Variants in TMIGD2 observed in about 807,000 individuals in gnomAD.
TMIGD2 encodes transmembrane and immunoglobulin domain-containing protein 2.
In TMIGD2, 18 loss-of-function variants were observed where a neutral mutation model predicts 22.6. The ratio of observed to expected loss-of-function variants is 0.80; its 90% CI spans 0.55 to 1.18. The LOEUF (loss-of-function observed/expected upper bound fraction) is 1.18. Ranked by LOEUF, TMIGD2 falls within the 50% of genes most tolerant of loss-of-function variation. The pLI is 0.00. For missense variants in TMIGD2, 361 were observed against 378.2 expected (o/e 0.95, Z 0.38); for synonymous variants, 184 against 154.1 (o/e 1.19, Z -1.44).
At chr19:4,299,706 G>A (rs2144741599) in intron 1 of TMIGD2, among the ~76,000 whole-genome samples, 1 of 151,996 alleles carries the variant, frequency 6.6e-6, no homozygotes, top group African/African-American at 2.4e-5. Flanking sequence ...GGCCAACGTG[G>A]TGAAACTCCA....
chr19:4,295,931 T>C (rs1040401629), intron 2 of TMIGD2, among the ~76,000 whole-genome samples: 3 of 152,114 alleles, frequency 2.0e-5, no homozygotes, highest in Non-Finnish European at 4.4e-5. Flanking sequence ...GTTGTTTGTT[T>C]TTCTGGAGAC....
rs138655456 is a variant in TMIGD2 at position 4,296,609 on chromosome 19, C to A, written c.406+1377G>T. On this transcript the variant is annotated intron_variant, in intron 2 of 4. Coordinates refer to ENST00000301272, the Ensembl canonical transcript of TMIGD2. ...CCAACGCACAGCCTGGCGCCTCCAC[C>A]ACCCCGCCTCCTCTAATTGCTAATT... 3.6e-3 allele frequency among the ~76,000 whole-genome samples: 546 copies of A among 152,268 alleles called. 5 individuals carry two copies. The highest frequency in any genetic ancestry group is 0.012 in the African/African-American group (516 of 41,552).
rs548038985 is a variant in TMIGD2, at chr19:4,292,987, G to A, written c.563-102C>T. The A allele has an allele frequency of 1.2e-4, 177 of 1,499,146 alleles. 2 individuals are homozygous for A. In the South Asian group the frequency reaches 1.6e-3, roughly 14 times the overall value. 92.9% of individuals were successfully genotyped at this position (1,499,146 alleles called of 1,614,324 possible). On this transcript the variant is annotated intron_variant, in intron 4 of 4. Coordinates refer to ENST00000301272, the Ensembl canonical transcript of TMIGD2. Reference sequence around the variant, plus strand: ...CTCTTTTTTTTTTTTTCTGTGAGACGGAGTCTCACTCTGTCGCCCAGGCTG... The same window carrying A: ...CTCTTTTTTTTTTTTTCTGTGAGACAGAGTCTCACTCTGTCGCCCAGGCTG...
exon 2 of TMIGD2, chr19:4,298,069 C>A (rs1221270689): frequency 7.4e-6 from 12 of 1,613,806 alleles, no homozygotes; most frequent in Non-Finnish European, 1.0e-5. Context: ...CACGTACGCC[C>A]CGCTGTGGTT....
intron 4 of TMIGD2, among the ~76,000 whole-genome samples, chr19:4,293,742 G>A (rs561750240): frequency 1.1e-4 from 16 of 150,428 alleles, no homozygotes; most frequent in African/African-American, 3.7e-4. Context: ...GACCACAGGC[G>A]TGTGCCACCA....
chr19:4,294,517 C>G (rs774913554), intron 4 of TMIGD2, 62 bp downstream of exon 4: 11 of 1,533,882 alleles, frequency 7.2e-6, no homozygotes, highest in Admixed American at 6.8e-5. Context: ...TGCAGTGGGT[C>G]TTTGTCAAGC....
At chr19:4,293,544 G>A (rs1411687819) in intron 4 of TMIGD2, among the ~76,000 whole-genome samples, 5 of 150,854 alleles carry the variant, frequency 3.3e-5, no homozygotes, top group Non-Finnish European at 7.4e-5. Context: ...ACATGCATGA[G>A]CCACTGCACC....
rs61753885 is a variant in TMIGD2, at chr19:4,298,067, C to T, written c.325G>A (p.Ala109Thr). ...TCTACGGCCGCCCAGCACACGTACG[C>T]CCCGCTGTGGTTGAGGCTCACAGGG... The change falls in exon 2 of 5, where the codon GCG (alanine) becomes ACG (threonine). Residue 109 changes from alanine to threonine, a missense_variant. Transcript: ENST00000301272. The T allele has an allele frequency of 2.0e-3, 3,190 of 1,613,734 alleles. 54 individuals are homozygous for T. In the African/African-American group the frequency reaches 0.034, roughly 17 times the overall value.
At chr19:4,301,048 T>C (rs1246411077) in intron 1 of TMIGD2, among the ~76,000 whole-genome samples, 3 of 151,878 alleles carry the variant, frequency 2.0e-5, no homozygotes, top group East Asian at 3.9e-4. Flanking sequence ...TCTCGGCTCA[T>C]TGCAACCTCT....
In TMIGD2 at chr19:4,294,786, G is replaced by T. The variant is rs775389250; in HGVS notation, c.437C>A (p.Ala146Glu). ...AGGGCAGGGCTCACCTGGGAAGCTT[G>T]CGATCCGGTTTCTGTTCTGTGTGGG... Residue 146 changes from alanine (A) to glutamate (E), a missense_variant, in exon 3 of 5, where the codon GCA becomes GAA. Coordinates refer to ENST00000301272, the Ensembl canonical transcript of TMIGD2. 1.3e-5 allele frequency: 20 copies of T among 1,586,688 alleles called. 1 individual carries two copies. The highest frequency in any genetic ancestry group is 4.6e-5 in the South Asian group (4 of 86,474).
At chr19:4,297,896 G>GT in intron 2 of TMIGD2, 90 bp downstream of exon 2, 1 of 1,402,832 alleles carries the variant, frequency 7.1e-7, no homozygotes, top group South Asian at 1.6e-5. Flanking sequence ...AGAATTTAGA[G>GT]TTTTTTGTTT....
At chr19:4,299,362 T>C (rs1334355438) in intron 1 of TMIGD2, among the ~76,000 whole-genome samples, 1 of 151,788 alleles carries the variant, frequency 6.6e-6, no homozygotes, top group Non-Finnish European at 1.5e-5. Flanking sequence ...CCCAGGCTGG[T>C]GTTGAATTCC....
intron 1 of TMIGD2, among the ~76,000 whole-genome samples, chr19:4,298,786 C>T (rs1359962872): frequency 6.6e-6 from 1 of 152,168 alleles, no homozygotes; most frequent in East Asian, 1.9e-4. Context: ...TCTGTATGAC[C>T]TTTGGAAGGT....
At chr19:4,301,219 T>A (rs2144744604) in intron 1 of TMIGD2, among the ~76,000 whole-genome samples, 1 of 152,168 alleles carries the variant, frequency 6.6e-6, no homozygotes, top group South Asian at 2.1e-4. Context: ...GTGATCCACC[T>A]GCCTCAGTCT....
intron 1 of TMIGD2, among the ~76,000 whole-genome samples, chr19:4,301,817 C>T (rs1971539728): frequency 6.6e-6 from 1 of 152,302 alleles, no homozygotes; most frequent in African/African-American, 2.4e-5. Context: ...TAATTGGAAA[C>T]ACAGAGGGAG....
rs748367894 is a variant in TMIGD2, at chr19:4,298,632, G to T, written c.47-287C>A. Among the ~76,000 whole-genome samples, 269 of 152,066 alleles carry T rather than the reference G, an allele frequency of 1.8e-3. 4 individuals carry two copies. The highest frequency in any genetic ancestry group is 8.1e-4 in the Non-Finnish European group (55 of 67,954). ...GTGCACCGTGGGCCCAGCTATTTAA[G>T]AGACTAAGTGAAGGGATCGCTTGAG... On this transcript the variant is annotated intron_variant, in intron 1 of 4. Coordinates refer to ENST00000301272, the Ensembl canonical transcript of TMIGD2.
At position 4,298,047 on chromosome 19, in the gene TMIGD2, G is replaced by A. The variant is rs180744671; in HGVS notation, c.345C>T (p.Ala115=). The change falls in exon 2 of 5, where the codon GCC becomes GCT. Residue 115 remains alanine, a synonymous_variant. Transcript: ENST00000301272. ...CCTCCTCCAACTCAGGAATCTCTAC[G>A]GCCGCCCAGCACACGTACGCCCCGC... is the stretch of plus-strand genomic sequence containing the variant. 9.3e-6 allele frequency: 15 copies of A among 1,613,216 alleles called. No individual in the cohort carries two copies. The East Asian group carries it at 2.7e-4, about 29-fold the overall frequency.
rs890095444 is a variant in TMIGD2, at chr19:4,294,491, C to T, written c.562+76G>A. 7.1e-6 allele frequency: 9 copies of T among 1,274,298 alleles called. No individual in the cohort carries two copies. The East Asian group carries it at 2.1e-4, about 30-fold the overall frequency. 78.9% of individuals were successfully genotyped at this position (1,274,298 alleles called of 1,614,324 possible). On this transcript the variant is annotated intron_variant, in intron 4 of 4. Coordinates refer to ENST00000301272, the Ensembl canonical transcript of TMIGD2. Reference sequence around the variant, plus strand: ...CTTCATCCCTCCTCCATCCTTCCCCCAGGCGGGAGCACAGATGCAGTGGGT... The same window carrying T: ...CTTCATCCCTCCTCCATCCTTCCCCTAGGCGGGAGCACAGATGCAGTGGGT...
At chr19:4,298,760 C>T (rs921141663) in intron 1 of TMIGD2, among the ~76,000 whole-genome samples, 2 of 151,620 alleles carry the variant, frequency 1.3e-5, no homozygotes, top group South Asian at 4.2e-4. Flanking sequence ...AAAAAAAAAA[C>T]CAAAGAACCT....
Sources: allele counts gnomAD v4.1 joint callset (sites outside exome capture counted in the v4.1 genomes callset), GRCh38; gene constraint gnomAD v4.1.1; transcripts MANE v1.5; gene names NCBI Gene and HGNC (gene_info 2026-07-23, HGNC 2026-07-21).